DSCAM: variants seen among roughly 807,000 people sequenced by gnomAD.
The protein encoded by DSCAM is DS cell adhesion molecule.
In DSCAM, 47 loss-of-function variants were observed where a neutral mutation model predicts 217.7. The ratio of observed to expected loss-of-function variants is 0.22; its 90% CI spans 0.17 to 0.28. The LOEUF (loss-of-function observed/expected upper bound fraction) is 0.28, where lower values mean the gene tolerates loss of function less well. DSCAM is among the 10% of genes least tolerant of loss of function. The probability of loss-of-function intolerance (pLI) is 1.00; values close to 1 mark genes in which losing one functional copy is unlikely to be tolerated. For synonymous variants in DSCAM, 1,056 were observed against 1,015.3 expected (o/e 1.04, Z -0.76); for missense variants, 2,080 against 2,618.3 (o/e 0.79, Z 4.49).
chr21:40,795,200 T>C (rs2091681215), intron 1 of DSCAM, among the ~76,000 whole-genome samples: 1 of 152,346 alleles, frequency 6.6e-6, no homozygotes, highest in Middle Eastern at 3.4e-3. Context: ...CCTGGACTGA[T>C]AATCTTCAGA....
rs572841931 is a variant in DSCAM, at chr21:40,406,845, C to G, written c.509-37600G>C. 2.6e-5 allele frequency among the ~76,000 whole-genome samples: 4 copies of G among 152,236 alleles called. No homozygotes were observed. The South Asian group carries it at 8.3e-4, about 32-fold the overall frequency. On this transcript the variant is annotated intron_variant, in intron 3 of 32. Transcript: ENST00000400454. Reference sequence around the variant, plus strand: ...TGTTGGCCAGGCTGGTCTGGAACTCCTGACCTCGAGTGATCCACCTGCCTC... The same window carrying G: ...TGTTGGCCAGGCTGGTCTGGAACTCGTGACCTCGAGTGATCCACCTGCCTC...
chr21:40,348,363 C>T (rs1299875538), intron 5 of DSCAM, among the ~76,000 whole-genome samples: 1 of 152,272 alleles, frequency 6.6e-6, no homozygotes, highest in African/African-American at 2.4e-5. Context: ...TGCAATCATA[C>T]CCCAGAGAGT....
chr21:40,708,437 C>T lies in DSCAM; in HGVS notation c.361+17G>A. 1 of 1,428,320 alleles carries T rather than the reference C, an allele frequency of 7.0e-7. No homozygotes were observed. Among genetic ancestry groups the T allele is most frequent in the South Asian group, 1.8e-5 (1 of 54,562 alleles). The allele number at this position is 1,428,320 out of a possible 1,614,324, so 88.5% of individuals were successfully genotyped here. A position where few individuals can be genotyped will look rare whatever the true frequency, so the allele number is the denominator to read the frequency against. On this transcript the variant is annotated intron_variant, in intron 2 of 32. Transcript: ENST00000400454. ...CCAAGCAGGCACAGAAAAAACAAAGCCCAGAGCTGTACTCACCAGCCTTGA... is the reference window on the plus strand; with the variant it reads ...CCAAGCAGGCACAGAAAAAACAAAGTCCAGAGCTGTACTCACCAGCCTTGA...
intron 1 of DSCAM, among the ~76,000 whole-genome samples, chr21:40,712,388 G>A (rs931350020): frequency 7.3e-5 from 11 of 149,882 alleles, no homozygotes; most frequent in Admixed American, 6.7e-4. Flanking sequence ...GCGTGAACCC[G>A]GGAAGCGGAG....
intron 31 of DSCAM, 92 bp downstream of exon 31, chr21:40,043,986 G>A (rs1480405578): frequency 5.4e-6 from 7 of 1,293,104 alleles, no homozygotes; most frequent in East Asian, 2.3e-5. Flanking sequence ...GAGGGAGGAA[G>A]CCCTCTCTCC....
At chr21:40,668,903 A>C (rs2090235812) in intron 3 of DSCAM, among the ~76,000 whole-genome samples, 1 of 152,074 alleles carries the variant, frequency 6.6e-6, no homozygotes, top group Non-Finnish European at 1.5e-5. Flanking sequence ...AAGAAAAGAT[A>C]CAGAAATTGG....
chr21:40,573,074 T>G (rs926392773), intron 3 of DSCAM, among the ~76,000 whole-genome samples: 12 of 151,998 alleles, frequency 7.9e-5, no homozygotes, highest in Admixed American at 7.2e-4. Flanking sequence ...AACAATAATA[T>G]TAAAATCGAT....
At chr21:40,584,567 C>A (rs539890239) in intron 3 of DSCAM, among the ~76,000 whole-genome samples, 2 of 152,242 alleles carry the variant, frequency 1.3e-5, no homozygotes, top group African/African-American at 4.8e-5. Flanking sequence ...CTTTTACATT[C>A]ATCAACATCA....
intron 11 of DSCAM, among the ~76,000 whole-genome samples, chr21:40,208,732 G>T (rs1267879900): frequency 6.6e-6 from 1 of 152,112 alleles, no homozygotes; most frequent in South Asian, 2.1e-4. Flanking sequence ...ATCCGTAGGG[G>T]GTTCCATTTA....
chr21:40,477,834 TTCTG>T lies in DSCAM; in HGVS notation c.509-108593_509-108590del, dbSNP rs150013547. On this transcript the variant is annotated intron_variant, in intron 3 of 32. Coordinates refer to ENST00000400454, the MANE Select transcript of DSCAM (RefSeq NM_001389.5). ...CAACATTTTCTCCACTGACATTTTT[TTCTG>T]TCTTTTTAAAAAACTTGTCAGTAAA... Among the ~76,000 whole-genome samples the T allele has an allele frequency of 7.3e-3, 1,116 of 152,322 alleles. 17 individuals are homozygous for T. The highest frequency in any genetic ancestry group is 0.026 in the African/African-American group (1,071 of 41,574).
chr21:40,751,815 T>C (rs960943868), intron 1 of DSCAM, among the ~76,000 whole-genome samples: 9 of 152,170 alleles, frequency 5.9e-5, no homozygotes, highest in Admixed American at 1.3e-4. Flanking sequence ...AAGTTACATT[T>C]TTAAAAGACA....
intron 4 of DSCAM, among the ~76,000 whole-genome samples, chr21:40,364,422 G>A (rs900280888): frequency 9.3e-5 from 14 of 150,694 alleles, no homozygotes; most frequent in African/African-American, 2.2e-4. Context: ...GCAAACTGTC[G>A]CAAGGACAAA....
chr21:40,698,387 G>A (rs920575962), intron 2 of DSCAM, among the ~76,000 whole-genome samples: 8 of 152,218 alleles, frequency 5.3e-5, no homozygotes, highest in African/African-American at 1.7e-4. Flanking sequence ...CAAAACTTAA[G>A]TGGGGAAGGG....
At chr21:40,696,332 A>C (rs142489037) in intron 2 of DSCAM, among the ~76,000 whole-genome samples, 173 of 152,278 alleles carry the variant, frequency 1.1e-3, no homozygotes, top group Non-Finnish European at 1.9e-3. Context: ...GGTTCAAGCG[A>C]CTGAGCAAGG....
chr21:40,381,225 G>A (rs1436883591), intron 3 of DSCAM, among the ~76,000 whole-genome samples: 1 of 152,162 alleles, frequency 6.6e-6, no homozygotes, highest in Non-Finnish European at 1.5e-5. Context: ...GAACCACGGG[G>A]TGTGGCACTG....
chr21:40,028,538 A>T (rs1369277968), intron 32 of DSCAM, among the ~76,000 whole-genome samples: 1 of 151,996 alleles, frequency 6.6e-6, no homozygotes, highest in Non-Finnish European at 1.5e-5. Context: ...CAGGTGCGGG[A>T]TATAATCTCG....
At chr21:40,187,677 T>A (rs1308818406) in intron 13 of DSCAM, among the ~76,000 whole-genome samples, 2 of 152,228 alleles carry the variant, frequency 1.3e-5, no homozygotes, top group Non-Finnish European at 2.9e-5. Context: ...CTGGTTCCTC[T>A]AAGGGCTTCG....
chr21:40,054,464 T>G (rs1467717147), intron 29 of DSCAM, among the ~76,000 whole-genome samples: 1 of 152,220 alleles, frequency 6.6e-6, no homozygotes, highest in African/African-American at 2.4e-5. Flanking sequence ...AGGGTGATGG[T>G]TGATGGAGCA....
intron 3 of DSCAM, among the ~76,000 whole-genome samples, chr21:40,498,293 TC>T (rs2071444790): frequency 6.6e-6 from 1 of 152,022 alleles, no homozygotes; most frequent in South Asian, 2.1e-4. Context: ...TCACTGTATT[TC>T]AGTGAGCCTC....
Sources: allele counts gnomAD v4.1 joint callset (sites outside exome capture counted in the v4.1 genomes callset), GRCh38; gene constraint gnomAD v4.1.1; transcripts MANE v1.5; gene names NCBI Gene and HGNC (gene_info 2026-07-23, HGNC 2026-07-21).